The following DTNB variants were observed in gnomAD, a reference collection of about 807,000 sequenced individuals.
DTNB encodes DTN-B.
DTNB carries 63 observed loss-of-function variants against 90.7 expected under a neutral mutation model. That is an observed-to-expected ratio of 0.69 (90% CI 0.57 to 0.86). The LOEUF (loss-of-function observed/expected upper bound fraction) is 0.86. Ranked by LOEUF, DTNB falls within the 40% of genes least tolerant of loss-of-function variation. The pLI, the probability that DTNB is intolerant of heterozygous loss-of-function variation, is 0.00. For missense variants in DTNB, 744 were observed against 807.1 expected (o/e 0.92, Z 0.95); for synonymous variants, 277 against 286.7 (o/e 0.97, Z 0.34).
At chr2:25,509,283 T>C (rs1293341018) in intron 9 of DTNB, among the ~76,000 whole-genome samples, 8 of 152,244 alleles carry the variant, frequency 5.3e-5, no homozygotes, top group Admixed American at 5.2e-4. Context: ...AGTATGATGG[T>C]AGCTAGGTAG....
chr2:25,593,109 A>G (rs891202384), intron 6 of DTNB, among the ~76,000 whole-genome samples: 2 of 152,204 alleles, frequency 1.3e-5, no homozygotes, highest in African/African-American at 4.8e-5. Flanking sequence ...CAGAAAGTGA[A>G]GCAGCTCATG....
At chr2:25,416,788 GGAAGGAAGGAAGGAAC>G (rs1388217467) in intron 16 of DTNB, among the ~76,000 whole-genome samples, 226 of 133,446 alleles carry the variant, frequency 1.7e-3, no homozygotes, top group Non-Finnish European at 2.5e-3. Flanking sequence ...GAACCTGGAA[GGAAGGAAGGAAGGAAC>G]GAAGGAAGGA....
chr2:25,401,493 C>T (rs80304907), intron 16 of DTNB, among the ~76,000 whole-genome samples: 21 of 152,294 alleles, frequency 1.4e-4, no homozygotes, highest in African/African-American at 4.6e-4. Flanking sequence ...ACCAGCTGCA[C>T]GGAGAGAAAG....
intron 3 of DTNB, among the ~76,000 whole-genome samples, chr2:25,634,089 GC>G (rs2076482021): frequency 6.6e-6 from 1 of 150,908 alleles, no homozygotes; most frequent in African/African-American, 2.4e-5. Context: ...TCAGCCAGCC[GC>G]CCCGTCCGGG....
In DTNB at chr2:25,639,058, T is replaced by C; in HGVS notation, c.104A>G (p.Tyr35Cys). The C allele has an allele frequency of 6.3e-7, 1 of 1,594,112 alleles. No individual in the cohort carries two copies. The highest frequency in any genetic ancestry group is 8.6e-7 in the Non-Finnish European group (1 of 1,167,900). The stretch of plus-strand genomic sequence containing the variant: ...AAATCGTAATTTGCAGGCTGTTCTG[T>C]AAGTTGATAGTCGTATGACATCAAA... ...QNFDVIRLST[Y>C]RTACKLRFVQ... The change falls in exon 3 of 21, where the codon TAC becomes TGC. Residue 35 changes from tyrosine to cysteine, a missense_variant. Coordinates refer to ENST00000406818, the MANE Select transcript of DTNB (RefSeq NM_021907.5).
chr2:25,445,202 C>T lies in DTNB; in HGVS notation c.1257+6346G>A, dbSNP rs571092957. Among the ~76,000 whole-genome samples, 24 of 152,302 alleles carry T rather than the reference C, an allele frequency of 1.6e-4. No homozygotes were observed. In the South Asian group the frequency reaches 4.1e-3, roughly 26 times the overall value. On this transcript the variant is annotated intron_variant, in intron 12 of 20. Coordinates refer to ENST00000406818, the MANE Select transcript of DTNB (RefSeq NM_021907.5). ...TAATTTTTAAAATCCAACCATAGCA[C>T]GGCCCATCTCAACAAGTTTATTTAT... is the stretch of plus-strand genomic sequence containing the variant.
chr2:25,379,490 G>A, intron 19 of DTNB, 167 bp from the exon 20 acceptor site: 1 of 842,264 alleles, frequency 1.2e-6, no homozygotes, highest in Non-Finnish European at 1.6e-6. Flanking sequence ...GCAGGGTAGA[G>A]TCATACTTTC....
At chr2:25,549,442 A>T (rs1273700735) in intron 8 of DTNB, among the ~76,000 whole-genome samples, 1 of 152,114 alleles carries the variant, frequency 6.6e-6, no homozygotes, top group Non-Finnish European at 1.5e-5. Context: ...TTTAATGCAT[A>T]CTTAAAATAA....
chr2:25,600,308 A>G (rs2065601055), intron 5 of DTNB, among the ~76,000 whole-genome samples: 1 of 152,230 alleles, frequency 6.6e-6, no homozygotes, highest in South Asian at 2.1e-4. Context: ...GCACATTGCA[A>G]TGCTGGAGTA....
chr2:25,631,899 T>C (rs901592751), intron 3 of DTNB, among the ~76,000 whole-genome samples: 2 of 152,082 alleles, frequency 1.3e-5, no homozygotes, highest in Admixed American at 6.6e-5. Flanking sequence ...CATATAAAAA[T>C]TGACCACATC....
intron 12 of DTNB, among the ~76,000 whole-genome samples, chr2:25,438,218 T>C (rs2056467532): frequency 6.6e-6 from 1 of 152,144 alleles, no homozygotes; most frequent in Admixed American, 6.5e-5. Context: ...ATCCAATCTT[T>C]TGGCTTCCCT....
At chr2:25,603,665 G>GA (rs538049385) in intron 5 of DTNB, among the ~76,000 whole-genome samples, 4 of 145,284 alleles carry the variant, frequency 2.8e-5, no homozygotes, top group African/African-American at 5.0e-5. Context: ...GATCAAAGCA[G>GA]AAAAAAAAAA....
chr2:25,520,419 G>T (rs2075949486), intron 9 of DTNB, among the ~76,000 whole-genome samples: 2 of 152,112 alleles, frequency 1.3e-5, no homozygotes. Context: ...AAACAGCAAG[G>T]CAATTCACCA....
intron 12 of DTNB, among the ~76,000 whole-genome samples, chr2:25,443,117 CTG>C (rs2057796132): frequency 6.6e-6 from 1 of 152,140 alleles, no homozygotes; most frequent in Admixed American, 6.6e-5. Context: ...ATGAATGCAA[CTG>C]TTAGGTTGAA....
intron 10 of DTNB, among the ~76,000 whole-genome samples, chr2:25,456,406 C>A (rs892237220): frequency 6.6e-5 from 10 of 152,096 alleles, no homozygotes; most frequent in Non-Finnish European, 4.4e-5. Context: ...AAAACACAGA[C>A]AAAAATATTT....
intron 16 of DTNB, among the ~76,000 whole-genome samples, chr2:25,413,579 T>A (rs2149745472): frequency 6.6e-6 from 1 of 152,306 alleles, no homozygotes; most frequent in South Asian, 2.1e-4. Context: ...TCCATGTCCC[T>A]ACAAAGGACA....
At chr2:25,536,421 A>C (rs2150976299) in intron 8 of DTNB, among the ~76,000 whole-genome samples, 1 of 152,078 alleles carries the variant, frequency 6.6e-6, no homozygotes, top group South Asian at 2.1e-4. Context: ...AACATTGAGC[A>C]ATGAGTGAGT....
intron 8 of DTNB, among the ~76,000 whole-genome samples, chr2:25,540,470 C>G (rs1301099917): frequency 6.6e-6 from 1 of 151,920 alleles, no homozygotes; most frequent in African/African-American, 2.4e-5. Flanking sequence ...CCATCGCAAT[C>G]ATTTTATTAT....
intron 10 of DTNB, among the ~76,000 whole-genome samples, chr2:25,461,086 T>G (rs1001256127): frequency 1.3e-5 from 2 of 152,182 alleles, no homozygotes; most frequent in Non-Finnish European, 2.9e-5. Flanking sequence ...GTATTTTTAG[T>G]AGAGATGGGG....
Sources: gnomAD v4.1 joint callset for allele counts (sites outside exome capture counted in the v4.1 genomes callset) on GRCh38, gnomAD v4.1.1 for gene constraint, MANE v1.5 for transcripts, NCBI Gene and HGNC (gene_info 2026-07-23, HGNC 2026-07-21) for gene names.